The following UBQLN1 variants were observed in gnomAD, a reference collection of about 807,000 sequenced individuals.
UBQLN1 encodes ubiquilin-1.
UBQLN1 carries 13 observed loss-of-function variants against 65.4 expected under a neutral mutation model. The observed-to-expected ratio is 0.20, with a 90% CI of 0.13 to 0.32. The LOEUF (loss-of-function observed/expected upper bound fraction) is 0.32, where lower values mean the gene tolerates loss of function less well. Ranked by LOEUF, UBQLN1 falls within the 10% of genes least tolerant of loss-of-function variation. The pLI is 1.00. For missense variants in UBQLN1, 561 were observed against 724.0 expected (o/e 0.77, Z 2.58); for synonymous variants, 267 against 247.8 (o/e 1.08, Z -0.73).
chr9:83,707,723 G>C lies in UBQLN1; in HGVS notation c.-44C>G. On this transcript the variant is annotated 5_prime_UTR_variant, in exon 1 of 11. Coordinates refer to ENST00000376395, the MANE Select transcript of UBQLN1 (RefSeq NM_013438.5). ...GGCGGTGACTCAGGCAAGCAGGAGG[G>C]AGCAGGCGAGCAAGGAGGAGCCAGC... 6.6e-7 allele frequency: 1 copy of C among 1,510,546 alleles called. No individual in the cohort carries two copies. 93.6% of individuals were successfully genotyped at this position (1,510,546 alleles called of 1,614,324 possible). A position where few individuals can be genotyped will look rare whatever the true frequency, so the allele number is the denominator to read the frequency against.
intron 6 of UBQLN1, among the ~76,000 whole-genome samples, chr9:83,673,546 TA>T (rs762494390): frequency 0.31 from 23,072 of 75,534 alleles, 2,383 homozygotes; most frequent in African/African-American, 0.4. Context: ...CTCGGTCTTT[TA>T]AAAAAAAAAA....
chr9:83,668,014 A>G, intron 7 of UBQLN1: 1 of 985,438 alleles, frequency 1.0e-6, no homozygotes, highest in African/African-American at 1.7e-5. Context: ...GTCAAATTTT[A>G]AAAGCAAGAT....
Position 83,692,156 on chromosome 9 carries a change from C to T in UBQLN1, c.181-6001G>A, listed in dbSNP as rs1034541770. Among the ~76,000 whole-genome samples, 5 of 152,206 alleles carry T rather than the reference C, an allele frequency of 3.3e-5. No homozygotes were observed. The East Asian group carries it at 5.8e-4, about 18-fold the overall frequency. On this transcript the variant is annotated intron_variant, in intron 1 of 10. Coordinates refer to ENST00000376395, the MANE Select transcript of UBQLN1 (RefSeq NM_013438.5). ...AAAAGAATCTTAAGTTTAATTGTAC[C>T]GTGCCAGATATGGTACACTTTTCCG... is the stretch of plus-strand genomic sequence containing the variant.
At chr9:83,673,545 TTA>T (rs1491423462) in intron 6 of UBQLN1, among the ~76,000 whole-genome samples, 1,314 of 68,026 alleles carry the variant, frequency 0.019, 31 homozygotes, top group African/African-American at 0.092. Context: ...ACTCGGTCTT[TTA>T]AAAAAAAAAA....
chr9:83,661,667 A>T lies in UBQLN1; in HGVS notation c.*120T>A. On this transcript the variant is annotated 3_prime_UTR_variant, in exon 11 of 11. Coordinates refer to ENST00000376395, the MANE Select transcript of UBQLN1 (RefSeq NM_013438.5). ...TGTACTCCACCTTAAAATGCATCAT[A>T]TTGGGTTTGTTTATAACAGCACAGA... 1 of 1,102,024 alleles carries T rather than the reference A, an allele frequency of 9.1e-7. No individual in the cohort carries two copies. The highest frequency in any genetic ancestry group is 1.3e-6 in the Non-Finnish European group (1 of 794,882). 68.3% of individuals were successfully genotyped at this position (1,102,024 alleles called of 1,614,324 possible).
intron 1 of UBQLN1, among the ~76,000 whole-genome samples, chr9:83,706,057 C>G (rs1832400560): frequency 6.6e-6 from 1 of 152,124 alleles, no homozygotes; most frequent in Admixed American, 6.5e-5. Context: ...TTGGGCTACA[C>G]AGGTGTAAGC....
At chr9:83,704,309 A>G (rs1362900872) in intron 1 of UBQLN1, among the ~76,000 whole-genome samples, 1 of 152,204 alleles carries the variant, frequency 6.6e-6, no homozygotes, top group African/African-American at 2.4e-5. Flanking sequence ...TAGATTTTAC[A>G]AATAGGTCAT....
intron 3 of UBQLN1, among the ~76,000 whole-genome samples, chr9:83,681,673 GACTA>G (rs1375133064): frequency 6.6e-6 from 1 of 152,214 alleles, no homozygotes; most frequent in Non-Finnish European, 1.5e-5. Context: ...ACTTCAGTAT[GACTA>G]ACTACAGTAG....
intron 1 of UBQLN1, among the ~76,000 whole-genome samples, chr9:83,698,004 G>A (rs753520820): frequency 2.8e-4 from 43 of 152,020 alleles, no homozygotes; most frequent in African/African-American, 4.1e-4. Context: ...CCAGAGTGCC[G>A]GGATTAGCAG....
At chr9:83,700,898 G>A (rs1236364860) in intron 1 of UBQLN1, among the ~76,000 whole-genome samples, 2 of 152,186 alleles carry the variant, frequency 1.3e-5, no homozygotes, top group Non-Finnish European at 2.9e-5. Flanking sequence ...TTTACACAGA[G>A]GGTGGCATGC....
At chr9:83,673,545 T>TA (rs1564162390) in intron 6 of UBQLN1, among the ~76,000 whole-genome samples, 16 of 68,038 alleles carry the variant, frequency 2.4e-4, no homozygotes, top group Middle Eastern at 6.0e-3. Flanking sequence ...ACTCGGTCTT[T>TA]TAAAAAAAAA....
intron 1 of UBQLN1, among the ~76,000 whole-genome samples, chr9:83,697,885 C>T (rs1832246536): frequency 6.6e-6 from 1 of 151,958 alleles, no homozygotes; most frequent in Non-Finnish European, 1.5e-5. Context: ...TACAGGCATG[C>T]ACCACCACAC....
intron 1 of UBQLN1, among the ~76,000 whole-genome samples, chr9:83,700,423 A>G (rs1157585491): frequency 6.6e-6 from 1 of 152,206 alleles, no homozygotes; most frequent in Non-Finnish European, 1.5e-5. Flanking sequence ...AATGGACTAG[A>G]TTCATCTGTA....
chr9:83,673,546 T>TAA (rs762494390), intron 6 of UBQLN1, among the ~76,000 whole-genome samples: 774 of 75,296 alleles, frequency 0.01, 24 homozygotes, highest in Non-Finnish European at 0.017. Flanking sequence ...CTCGGTCTTT[T>TAA]AAAAAAAAAA....
At chr9:83,683,175 G>T (rs1831975068) in intron 2 of UBQLN1, 109 bp from the exon 3 acceptor site, 2 of 598,522 alleles carry the variant, frequency 3.3e-6, no homozygotes, top group East Asian at 6.1e-5. Flanking sequence ...CACTTTGGGA[G>T]GCCGAAGCTG....
Position 83,690,898 on chromosome 9 carries a change from G to A in UBQLN1, c.181-4743C>T, listed in dbSNP as rs148658630. Among the ~76,000 whole-genome samples, 1,215 of 152,312 alleles carry A rather than the reference G, an allele frequency of 8.0e-3. 23 individuals carry two copies. The highest frequency in any genetic ancestry group is 0.028 in the African/African-American group (1,165 of 41,562). ...CACGCTTGTAATCCCAACACTTTGG[G>A]AGGCCAAGGCGGGTGGATCACCTGA... On this transcript the variant is annotated intron_variant, in intron 1 of 10. Coordinates refer to ENST00000376395, the MANE Select transcript of UBQLN1 (RefSeq NM_013438.5).
chr9:83,668,680 A>G, intron 7 of UBQLN1: 1 of 968,040 alleles, frequency 1.0e-6, no homozygotes, highest in Non-Finnish European at 1.2e-6. Context: ...GGACCTGTAT[A>G]CGATTTTCAG....
intron 7 of UBQLN1, 152 bp downstream of exon 7, chr9:83,669,031 AAC>A: frequency 1.2e-6 from 1 of 849,422 alleles, no homozygotes; most frequent in Non-Finnish European, 1.7e-6. Flanking sequence ...ACTGCAAAGA[AAC>A]ACACGGTCTA....
intron 10 of UBQLN1, among the ~76,000 whole-genome samples, chr9:83,662,279 C>T (rs748454172): frequency 3.3e-4 from 25 of 76,798 alleles, no homozygotes; most frequent in South Asian, 1.3e-3. Flanking sequence ...CATATACACA[C>T]ACACACACAC....
Sources: gnomAD v4.1 joint callset for allele counts (sites outside exome capture counted in the v4.1 genomes callset) on GRCh38, gnomAD v4.1.1 for gene constraint, MANE v1.5 for transcripts, NCBI Gene and HGNC (gene_info 2026-07-23, HGNC 2026-07-21) for gene names.